LIMK2: variants seen among roughly 807,000 people sequenced by gnomAD.
LIMK2 encodes LIM domain kinase 2.
LIMK2 carries 35 observed loss-of-function variants against 75.7 expected under a neutral mutation model. That is an observed-to-expected ratio of 0.46 (90% CI 0.35 to 0.61). The LOEUF (loss-of-function observed/expected upper bound fraction) is 0.61. LIMK2 is among the 20% of genes least tolerant of loss of function. The pLI is 0.00. For synonymous variants in LIMK2, 301 were observed against 319.2 expected (o/e 0.94, Z 0.61); for missense variants, 623 against 831.0 (o/e 0.75, Z 3.08).
At position 31,259,239 on chromosome 22, in the gene LIMK2, G is replaced by A; in HGVS notation, c.362+9G>A. ...CATGCCACCCTCTACTGGTAAGATAGTGGTCCTTTGTCTATCCTCTCCCAT... is the reference window on the plus strand; with the variant it reads ...CATGCCACCCTCTACTGGTAAGATAATGGTCCTTTGTCTATCCTCTCCCAT... On this transcript the variant is annotated intron_variant, in intron 4 of 15. Transcript: ENST00000331728. 1 of 1,545,874 alleles carries A rather than the reference G, an allele frequency of 6.5e-7. No individual in the cohort carries two copies. Among genetic ancestry groups the A allele is most frequent in the East Asian group, 2.2e-5 (1 of 44,538 alleles).
intron 12 of LIMK2, among the ~76,000 whole-genome samples, chr22:31,271,879 C>T (rs2048961245): frequency 6.6e-6 from 1 of 152,134 alleles, no homozygotes. Context: ...AGGAATAAGA[C>T]AGGACAGGGA....
chr22:31,242,921 A>ATTTT (rs2048634908), intron 2 of LIMK2, among the ~76,000 whole-genome samples: 1 of 152,048 alleles, frequency 6.6e-6, no homozygotes, highest in Non-Finnish European at 1.5e-5. Context: ...TTGCTGGGAC[A>ATTTT]TTTTATTTAT....
intron 1 of LIMK2, 110 bp from the exon 2 acceptor site, chr22:31,225,610 A>C: frequency 1.3e-6 from 1 of 778,748 alleles, no homozygotes; most frequent in Non-Finnish European, 2.2e-6. Flanking sequence ...GCATTGGCCT[A>C]ACCCTTTCAA....
chr22:31,241,052 T>C (rs1478893536), intron 2 of LIMK2, among the ~76,000 whole-genome samples: 1 of 152,158 alleles, frequency 6.6e-6, no homozygotes, highest in Non-Finnish European at 1.5e-5. Flanking sequence ...AGCATTGGTT[T>C]TCAATTGTTA....
Position 31,261,734 on chromosome 22 carries a change from C to T in LIMK2, c.552-400C>T, listed in dbSNP as rs111867972. Among the ~76,000 whole-genome samples the T allele has an allele frequency of 7.1e-3, 1,076 of 152,112 alleles. 10 individuals carry two copies. The highest frequency in any genetic ancestry group is 0.025 in the African/African-American group (1,041 of 41,494). The stretch of plus-strand genomic sequence containing the variant: ...AGTGAGCCCAGATCATGCCACTGCA[C>T]TCCAGCCTGGATGACAGAGTAAGAT... On this transcript the variant is annotated intron_variant, in intron 5 of 15. Coordinates refer to ENST00000331728, the MANE Select transcript of LIMK2 (RefSeq NM_005569.4).
intron 4 of LIMK2, 107 bp downstream of exon 4, chr22:31,259,337 T>C (rs1171267039): frequency 2.9e-6 from 2 of 684,236 alleles, no homozygotes; most frequent in South Asian, 3.3e-5. Context: ...AGTCAGAGCA[T>C]TGGATTCTTA....
chr22:31,238,420 A>G (rs1485036484), intron 2 of LIMK2, among the ~76,000 whole-genome samples: 1 of 152,222 alleles, frequency 6.6e-6, no homozygotes, highest in African/African-American at 2.4e-5. Flanking sequence ...GTCTGGAAGT[A>G]GTACCTGTAT....
Position 31,212,371 on chromosome 22 carries a change from C to G in LIMK2, c.-38C>G. ...GGGAACTGAGGGGAGCTGCTGTGTC[C>G]CCCGCCTCCTCCTCCCCATTTCCGC... On this transcript the variant is annotated 5_prime_UTR_variant, in exon 1 of 16. Coordinates refer to ENST00000331728, the MANE Select transcript of LIMK2 (RefSeq NM_005569.4). 1 of 1,334,290 alleles carries G rather than the reference C, an allele frequency of 7.5e-7. No homozygotes were observed. Among genetic ancestry groups the G allele is most frequent in the Non-Finnish European group, 9.7e-7 (1 of 1,033,436 alleles). 82.7% of individuals were successfully genotyped at this position (1,334,290 alleles called of 1,614,324 possible). A position where few individuals can be genotyped will look rare whatever the true frequency, so the allele number is the denominator to read the frequency against.
At chr22:31,271,677 G>A (rs2048958439) in intron 12 of LIMK2, among the ~76,000 whole-genome samples, 1 of 152,004 alleles carries the variant, frequency 6.6e-6, no homozygotes, top group Non-Finnish European at 1.5e-5. Context: ...CTTGCTATCT[G>A]GCTTCCTGGG....
intron 2 of LIMK2, among the ~76,000 whole-genome samples, chr22:31,233,544 T>C (rs1275119378): frequency 6.6e-6 from 1 of 152,202 alleles, no homozygotes; most frequent in Non-Finnish European, 1.5e-5. Context: ...CCTTCCATTG[T>C]CCTCCACACA....
chr22:31,253,925 G>A (rs1291429488), intron 2 of LIMK2, among the ~76,000 whole-genome samples: 4 of 152,238 alleles, frequency 2.6e-5, no homozygotes, highest in Non-Finnish European at 4.4e-5. Flanking sequence ...TTCTTAAGTG[G>A]TCTGAGAACC....
intron 2 of LIMK2, among the ~76,000 whole-genome samples, chr22:31,256,000 T>A (rs951050560): frequency 1.0e-4 from 12 of 116,930 alleles, no homozygotes; most frequent in African/African-American, 3.7e-4. Flanking sequence ...TTTTTTTTTT[T>A]TTTTTTTTTT....
chr22:31,240,763 C>T (rs1443629760), intron 2 of LIMK2, among the ~76,000 whole-genome samples: 1 of 152,022 alleles, frequency 6.6e-6, no homozygotes, highest in African/African-American at 2.4e-5. Flanking sequence ...ACCACTGCCG[C>T]GTCACCAAGG....
chr22:31,219,644 T>C (rs538163875), intron 1 of LIMK2, among the ~76,000 whole-genome samples: 1 of 152,282 alleles, frequency 6.6e-6, no homozygotes, highest in Non-Finnish European at 1.5e-5. Context: ...CGATCTCGGC[T>C]CACTGCAAGC....
chr22:31,234,908 C>G (rs1912610413), intron 2 of LIMK2, among the ~76,000 whole-genome samples: 1 of 151,984 alleles, frequency 6.6e-6, no homozygotes, highest in South Asian at 2.1e-4. Context: ...CCCCCTTACT[C>G]TGTTCACTTA....
At chr22:31,277,262 GCCCCTGGCCCAGGGGTCTCTT>G (rs1314905906) in intron 15 of LIMK2, 2 of 1,524,746 alleles carry the variant, frequency 1.3e-6, no homozygotes, top group East Asian at 2.3e-5. Flanking sequence ...GGCTCCTCGT[GCCCCTGGCCCAGGGGTCTCTT>G]CCCCTGCCCC....
intron 15 of LIMK2, 186 bp downstream of exon 15, chr22:31,275,494 T>C (rs927165995): frequency 1.7e-6 from 1 of 594,290 alleles, no homozygotes; most frequent in Non-Finnish European, 3.0e-6. Flanking sequence ...GGTAAAGACA[T>C]AGCAGCAAGT....
At chr22:31,245,921 T>A (rs1248793858) in intron 2 of LIMK2, among the ~76,000 whole-genome samples, 3 of 151,302 alleles carry the variant, frequency 2.0e-5, no homozygotes, top group African/African-American at 7.3e-5. Context: ...ACCTATAATC[T>A]CAGCACTTTG....
intron 2 of LIMK2, among the ~76,000 whole-genome samples, chr22:31,241,887 AG>A (rs1443686797): frequency 6.6e-6 from 1 of 152,186 alleles, no homozygotes; most frequent in East Asian, 1.9e-4. Flanking sequence ...AAGCAGGACA[AG>A]GGAAGCCCAG....
Sources: gnomAD v4.1 joint callset for allele counts (sites outside exome capture counted in the v4.1 genomes callset) on GRCh38, gnomAD v4.1.1 for gene constraint, MANE v1.5 for transcripts, NCBI Gene and HGNC (gene_info 2026-07-23, HGNC 2026-07-21) for gene names.